DMTF1: variants seen among roughly 807,000 people sequenced by gnomAD.
DMTF1 encodes cyclin D binding myb like transcription factor 1, also known as cyclin-D-binding Myb-like transcription factor 1.
Under a neutral mutation model 91.1 loss-of-function variants are expected in DMTF1, and 39 were observed. That is an observed-to-expected ratio of 0.43 (90% CI 0.33 to 0.56). The LOEUF is 0.56. DMTF1 is among the 20% of genes least tolerant of loss of function. The pLI, the probability that DMTF1 is intolerant of heterozygous loss-of-function variation, is 0.05. For missense variants in DMTF1, 750 were observed against 914.5 expected, an observed-to-expected ratio of 0.82 and a Z score of 2.32; for synonymous variants, 338 against 309.5, an observed-to-expected ratio of 1.09 and a Z score of -0.97.
chr7:87,168,213 T>G (rs1794267818), intron 4 of DMTF1, among the ~76,000 whole-genome samples: 1 of 152,214 alleles, frequency 6.6e-6, no homozygotes, highest in Non-Finnish European at 1.5e-5. Context: ...TCATTCTAAC[T>G]CACCACTTCT....
intron 14 of DMTF1, among the ~76,000 whole-genome samples, chr7:87,191,490 T>C (rs1236627433): frequency 6.6e-6 from 1 of 152,106 alleles, no homozygotes; most frequent in African/African-American, 2.4e-5. Flanking sequence ...CTAAGAGAAA[T>C]GAAAATATCT....
At chr7:87,176,676 A>G (rs1796333478) in intron 7 of DMTF1, among the ~76,000 whole-genome samples, 2 of 152,184 alleles carry the variant, frequency 1.3e-5, no homozygotes, top group South Asian at 2.1e-4. Context: ...GCAACTTAAG[A>G]GTTTTTATTT....
At chr7:87,180,856 C>CTTTTTTTTTTTTTTTT (rs397889347) in intron 8 of DMTF1, among the ~76,000 whole-genome samples, 12 of 127,698 alleles carry the variant, frequency 9.4e-5, no homozygotes, top group African/African-American at 3.5e-4. Flanking sequence ...TTATTTTCAA[C>CTTTTTTTTTTTTTTTT]TTTTTTTTTT....
At chr7:87,175,390 T>C (rs1306039588) in intron 7 of DMTF1, among the ~76,000 whole-genome samples, 4 of 152,224 alleles carry the variant, frequency 2.6e-5, no homozygotes, top group African/African-American at 7.2e-5. Context: ...ATCAAAAATT[T>C]AGTTTATTTT....
intron 11 of DMTF1, 84 bp from the exon 12 acceptor site, chr7:87,185,744 GC>G (rs1798260487): frequency 7.6e-6 from 11 of 1,448,804 alleles, no homozygotes; most frequent in Non-Finnish European, 1.1e-5. Context: ...CCCTTTATTT[GC>G]CAGTGCAATT....
At chr7:87,183,703 A>G (rs1002440788) in intron 10 of DMTF1, among the ~76,000 whole-genome samples, 1 of 151,870 alleles carries the variant, frequency 6.6e-6, no homozygotes, top group African/African-American at 2.4e-5. Context: ...AAAGAAGATG[A>G]AAAAAAATGG....
chr7:87,170,528 C>T (rs1306289786), intron 4 of DMTF1, among the ~76,000 whole-genome samples: 1 of 152,204 alleles, frequency 6.6e-6, no homozygotes, highest in Non-Finnish European at 1.5e-5. Flanking sequence ...AGCCTTTGCA[C>T]TTGGCTCTCC....
chr7:87,175,897 G>A lies in DMTF1; in HGVS notation c.519+1228G>A, dbSNP rs116363750. 3.2e-3 allele frequency among the ~76,000 whole-genome samples: 490 copies of A among 152,304 alleles called. 2 individuals are homozygous for A. The highest frequency in any genetic ancestry group is 0.011 in the African/African-American group (458 of 41,554). ...AGAAGCATTAAAGGGTTTAAGAAAA[G>A]CTAGTAGTTTAGTTGAGTAAGAAAT... is the stretch of plus-strand genomic sequence containing the variant. On this transcript the variant is annotated intron_variant, in intron 7 of 17. Transcript: ENST00000331242.
intron 4 of DMTF1, among the ~76,000 whole-genome samples, chr7:87,170,775 C>G (rs1188650340): frequency 6.6e-6 from 1 of 152,140 alleles, no homozygotes; most frequent in East Asian, 1.9e-4. Context: ...ATTTTTGTTT[C>G]CCTTGCTCAC....
intron 1 of DMTF1, among the ~76,000 whole-genome samples, chr7:87,157,817 A>G (rs1430622839): frequency 6.6e-6 from 1 of 151,836 alleles, no homozygotes; most frequent in African/African-American, 2.4e-5. Flanking sequence ...CTCCATTATA[A>G]GAGTTTTGTA....
At position 87,166,668 on chromosome 7, in the gene DMTF1, G is replaced by T. The variant is rs185570801; in HGVS notation, c.232+63G>T. ...TTAAAATCAAAGTTTAGCTTCCAAG[G>T]CTTTCAGTTGGCATTTCTAATAGAC... On this transcript the variant is annotated intron_variant, in intron 4 of 17. Transcript: ENST00000331242. 5.0e-4 allele frequency: 762 copies of T among 1,523,350 alleles called. 5 individuals carry two copies. The African/African-American group carries it at 9.6e-3, about 19-fold the overall frequency. 94.4% of individuals were successfully genotyped at this position (1,523,350 alleles called of 1,614,324 possible). A position where few individuals can be genotyped will look rare whatever the true frequency, so the allele number is the denominator to read the frequency against.
At position 87,165,102 on chromosome 7, in the gene DMTF1, A is replaced by C. The variant is rs200473661; in HGVS notation, c.109+52A>C. On this transcript the variant is annotated intron_variant, in intron 3 of 17. Coordinates refer to ENST00000331242, the MANE Select transcript of DMTF1 (RefSeq NM_001142327.2). ...CTGACTCTCTGAATTTATGAATTCCATGTCACTTTTGACCCCTATTGCCCA... is the reference window on the plus strand; with the variant it reads ...CTGACTCTCTGAATTTATGAATTCCCTGTCACTTTTGACCCCTATTGCCCA... 30 of 1,411,758 alleles carry C rather than the reference A, an allele frequency of 2.1e-5. No homozygotes were observed. In the East Asian group the frequency reaches 7.1e-4, roughly 33 times the overall value. The allele number at this position is 1,411,758 out of a possible 1,614,324, so 87.5% of individuals were successfully genotyped here.
chr7:87,163,138 C>T (rs1389220479), intron 1 of DMTF1: 1 of 151,114 alleles, frequency 6.6e-6, no homozygotes, highest in Non-Finnish European at 1.5e-5. Context: ...ATTTATGGTG[C>T]TGTATTGATT....
At chr7:87,193,503 G>A (rs1800392140) in intron 15 of DMTF1, 150 bp downstream of exon 15, 1 of 862,654 alleles carries the variant, frequency 1.2e-6, no homozygotes, top group Non-Finnish European at 1.8e-6. Context: ...TGCCTTCACT[G>A]GAGTGTATGT....
At chr7:87,157,918 A>G (rs1167994982) in intron 1 of DMTF1, among the ~76,000 whole-genome samples, 1 of 151,842 alleles carries the variant, frequency 6.6e-6, no homozygotes, top group African/African-American at 2.4e-5. Context: ...CAATTGTATA[A>G]TTGTTTTGTT....
At chr7:87,174,039 A>G (rs1030257973) in intron 6 of DMTF1, among the ~76,000 whole-genome samples, 1 of 152,190 alleles carries the variant, frequency 6.6e-6, no homozygotes, top group Non-Finnish European at 1.5e-5. Flanking sequence ...AGTGTTGGCT[A>G]TGCTCAAGCA....
chr7:87,190,866 A>T, intron 13 of DMTF1, 79 bp from the exon 14 acceptor site: 1 of 1,177,036 alleles, frequency 8.5e-7, no homozygotes, highest in Non-Finnish European at 1.2e-6. Context: ...ATGATAATTG[A>T]GTACACTAGA....
At chr7:87,174,146 G>T (rs1795722975) in intron 6 of DMTF1, among the ~76,000 whole-genome samples, 1 of 152,124 alleles carries the variant, frequency 6.6e-6, no homozygotes, top group Admixed American at 6.5e-5. Flanking sequence ...TTCAACCACT[G>T]TATAGTAAAT....
chr7:87,195,641 G>A lies in DMTF1; in HGVS notation c.*501G>A, dbSNP rs904605787. 2 of 152,784 alleles carry A rather than the reference G, an allele frequency of 1.3e-5. No homozygotes were observed. The highest frequency in any genetic ancestry group is 4.8e-5 in the African/African-American group (2 of 41,410). The allele number at this position is 152,784 out of a possible 1,614,324, so 9.5% of individuals were successfully genotyped here. ...ACCAGCATACAAGTATAGAGACCTA[G>A]GAGGTGGTCTTGTGGTGGTACATTT... On this transcript the variant is annotated 3_prime_UTR_variant, in exon 18 of 18. Transcript: ENST00000331242.
Sources: gnomAD v4.1 joint callset for allele counts (sites outside exome capture counted in the v4.1 genomes callset) on GRCh38, gnomAD v4.1.1 for gene constraint, MANE v1.5 for transcripts, NCBI Gene and HGNC (gene_info 2026-07-23, HGNC 2026-07-21) for gene names.